The following CLCN3 variants were observed in gnomAD, a reference collection of about 807,000 sequenced individuals.
CLCN3 encodes H(+)/Cl(-) exchange transporter 3.
CLCN3 carries 16 observed loss-of-function variants against 83.4 expected under a neutral mutation model. That is an observed-to-expected ratio of 0.19 (90% CI 0.13 to 0.29). The LOEUF (loss-of-function observed/expected upper bound fraction) is 0.29, where lower values mean the gene tolerates loss of function less well. CLCN3 is among the 10% of genes least tolerant of loss of function. The pLI is 1.00. For missense variants in CLCN3, 544 were observed against 1,006.0 expected (o/e 0.54, Z 6.21); for synonymous variants, 322 against 346.2 (o/e 0.93, Z 0.78).
chr4:169,673,299 T>G (rs2150231558), intron 2 of CLCN3, among the ~76,000 whole-genome samples: 1 of 152,334 alleles, frequency 6.6e-6, no homozygotes, highest in East Asian at 1.9e-4. Context: ...AATTAAGATG[T>G]TGAGTAGTTT....
rs914697246 is a variant in CLCN3 at position 169,722,808 on chromosome 4, T to C, written c.*2811T>C. 6.6e-6 allele frequency: 1 copy of C among 152,226 alleles called. No homozygotes were observed. Among genetic ancestry groups the C allele is most frequent in the African/African-American group, 2.4e-5 (1 of 41,460 alleles). The allele number at this position is 152,226 out of a possible 1,614,324, so 9.4% of individuals were successfully genotyped here. A position where few individuals can be genotyped will look rare whatever the true frequency, so the allele number is the denominator to read the frequency against. ...CATTTAGTGGTTTTCTTTGGTGTTA[T>C]CTGTTCCATTTTTCTTTTTCATACA... On this transcript the variant is annotated 3_prime_UTR_variant, in exon 13 of 13. Coordinates refer to ENST00000513761, the MANE Select transcript of CLCN3 (RefSeq NM_001829.4).
chr4:169,650,606 A>AT (rs1048354963), intron 2 of CLCN3, among the ~76,000 whole-genome samples: 1 of 152,234 alleles, frequency 6.6e-6, no homozygotes, highest in Non-Finnish European at 1.5e-5. Context: ...TGAAGTTAAC[A>AT]TATCACTGCT....
intron 2 of CLCN3, among the ~76,000 whole-genome samples, chr4:169,640,161 C>A (rs1730364216): frequency 6.6e-6 from 1 of 152,160 alleles, no homozygotes; most frequent in Non-Finnish European, 1.5e-5. Context: ...TTTCTGTTTT[C>A]TTCTAGATTA....
chr4:169,689,332 A>G (rs982744459), intron 5 of CLCN3, 102 bp downstream of exon 5: 3 of 935,332 alleles, frequency 3.2e-6, no homozygotes, highest in Non-Finnish European at 4.7e-6. Flanking sequence ...GATTACATAC[A>G]CATCAAATGG....
At position 169,674,811 on chromosome 4, in the gene CLCN3, C is replaced by T. The variant is rs181171667; in HGVS notation, c.161-5239C>T. ...TGTCGCCCAGGCTGGAGTGCATTGGCGCAATCACAGCCCACTTCAGCCTCT... is the reference window on the plus strand; with the variant it reads ...TGTCGCCCAGGCTGGAGTGCATTGGTGCAATCACAGCCCACTTCAGCCTCT... On this transcript the variant is annotated intron_variant, in intron 2 of 12. Transcript: ENST00000513761. Among the ~76,000 whole-genome samples the T allele has an allele frequency of 7.3e-4, 111 of 152,052 alleles. No homozygotes were observed. The East Asian group carries it at 0.018, about 25-fold the overall frequency.
At chr4:169,621,163 G>T (rs764689791) in intron 1 of CLCN3, 100 bp downstream of exon 1, 13 of 367,886 alleles carry the variant, frequency 3.5e-5, no homozygotes, top group Non-Finnish European at 5.8e-5. Flanking sequence ...CTCTTACAAT[G>T]TACCTACATA....
chr4:169,633,133 C>T (rs1773421263), intron 1 of CLCN3, among the ~76,000 whole-genome samples: 1 of 152,082 alleles, frequency 6.6e-6, no homozygotes, highest in Non-Finnish European at 1.5e-5. Context: ...ATGCCTCAGG[C>T]TCCTTAGTAG....
At chr4:169,676,109 T>C (rs1423198445) in intron 2 of CLCN3, among the ~76,000 whole-genome samples, 3 of 152,260 alleles carry the variant, frequency 2.0e-5, no homozygotes, top group Non-Finnish European at 4.4e-5. Flanking sequence ...TGTGTATTAC[T>C]GTATAAATTT....
At chr4:169,679,887 C>CGGAGACGAGGGAGAGGG (rs1731865684) in intron 2 of CLCN3, among the ~76,000 whole-genome samples, 163 bp from the exon 3 acceptor site, 1 of 121,324 alleles carries the variant, frequency 8.2e-6, no homozygotes, top group South Asian at 2.5e-4. Context: ...AGGCGGGAGT[C>CGGAGACGAGGGAGAGGG]GGAGACGAGG....
chr4:169,639,530 AG>A (rs1402497751), intron 2 of CLCN3, among the ~76,000 whole-genome samples: 3 of 152,262 alleles, frequency 2.0e-5, no homozygotes, highest in Admixed American at 1.3e-4. Flanking sequence ...TAATGCATGA[AG>A]ATCCAGCAAT....
At chr4:169,693,794 A>G (rs1224088314) in intron 7 of CLCN3, among the ~76,000 whole-genome samples, 1 of 152,196 alleles carries the variant, frequency 6.6e-6, no homozygotes, top group African/African-American at 2.4e-5. Context: ...ATGTTTGAGA[A>G]ATTAAGTTTA....
chr4:169,698,143 G>T (rs764392212), intron 9 of CLCN3, among the ~76,000 whole-genome samples: 8 of 152,090 alleles, frequency 5.3e-5, no homozygotes, highest in Non-Finnish European at 1.0e-4. Context: ...TAGTTTTGGG[G>T]TATATGAAGT....
intron 1 of CLCN3, among the ~76,000 whole-genome samples, chr4:169,634,140 C>G (rs1294481891): frequency 2.0e-5 from 3 of 152,152 alleles, no homozygotes; most frequent in African/African-American, 7.2e-5. Flanking sequence ...CCAGTTACCA[C>G]TTACGATTTT....
At chr4:169,656,785 A>C (rs769886407) in intron 2 of CLCN3, among the ~76,000 whole-genome samples, 41 of 152,108 alleles carry the variant, frequency 2.7e-4, no homozygotes, top group Non-Finnish European at 8.8e-5. Flanking sequence ...AAAAGAAATT[A>C]AAAAATTAGC....
Position 169,620,711 on chromosome 4 carries a change from C to G in CLCN3, c.-369C>G, listed in dbSNP as rs1356724949. On this transcript the variant is annotated 5_prime_UTR_variant, in exon 1 of 13. Transcript: ENST00000513761. The stretch of plus-strand genomic sequence containing the variant: ...GGTTGAAAGCCATCCTACTTTACTC[C>G]CGAGTTAGAGCATGGATTCAGTTTT... 1 of 398,478 alleles carries G rather than the reference C, an allele frequency of 2.5e-6. No individual in the cohort carries two copies. Among genetic ancestry groups the G allele is most frequent in the African/African-American group, 2.1e-5 (1 of 48,596 alleles). 24.7% of individuals were successfully genotyped at this position (398,478 alleles called of 1,614,324 possible).
chr4:169,702,116 T>C (rs1732810972), intron 9 of CLCN3, among the ~76,000 whole-genome samples: 1 of 152,184 alleles, frequency 6.6e-6, no homozygotes, highest in African/African-American at 2.4e-5. Flanking sequence ...TTTCTATCTA[T>C]TGGAAGATGG....
chr4:169,647,743 A>G (rs1468044819), intron 2 of CLCN3, among the ~76,000 whole-genome samples: 1 of 152,254 alleles, frequency 6.6e-6, no homozygotes, highest in Admixed American at 6.5e-5. Context: ...CAAATCTCCC[A>G]TCAAATAATT....
intron 2 of CLCN3, among the ~76,000 whole-genome samples, chr4:169,666,080 T>C (rs1731234213): frequency 6.6e-6 from 1 of 152,082 alleles, no homozygotes; most frequent in African/African-American, 2.4e-5. Context: ...TATTAATGCC[T>C]ATATTTTTCT....
intron 2 of CLCN3, among the ~76,000 whole-genome samples, chr4:169,646,403 C>T (rs1026796426): frequency 6.6e-6 from 1 of 152,084 alleles, no homozygotes; most frequent in African/African-American, 2.4e-5. Flanking sequence ...ATTCTCGTGC[C>T]TCAGCCTTCC....
Sources: gnomAD v4.1 joint callset for allele counts (sites outside exome capture counted in the v4.1 genomes callset) on GRCh38, gnomAD v4.1.1 for gene constraint, MANE v1.5 for transcripts, NCBI Gene and HGNC (gene_info 2026-07-23, HGNC 2026-07-21) for gene names.